The following ZBTB40 variants were observed in gnomAD, a reference collection of about 807,000 sequenced individuals.
ZBTB40 encodes the protein zinc finger and BTB domain containing 40.
A neutral mutation model predicts 117.5 loss-of-function variants in ZBTB40; 60 were observed. That is an observed-to-expected ratio of 0.51 (90% confidence interval 0.41 to 0.63). ZBTB40 has a LOEUF of 0.63. ZBTB40 is among the 30% of genes least tolerant of loss of function. The pLI is 0.00. For missense variants in ZBTB40, 1,287 were observed against 1,498.5 expected (o/e 0.86, Z 2.33); for synonymous variants, 525 against 577.1 (o/e 0.91, Z 1.29).
At chr1:22,474,837 T>G (rs1464212232) in intron 1 of ZBTB40, among the ~76,000 whole-genome samples, 1 of 151,796 alleles carries the variant, frequency 6.6e-6, no homozygotes, top group African/African-American at 2.4e-5. Flanking sequence ...AAGCAATGAA[T>G]AGGGCTCTCC....
intron 1 of ZBTB40, among the ~76,000 whole-genome samples, chr1:22,485,813 G>A (rs528611880): frequency 5.9e-5 from 9 of 151,838 alleles, no homozygotes; most frequent in South Asian, 4.2e-4. Flanking sequence ...TTCCTCAGTC[G>A]TGTCCAGTCT....
chr1:22,485,794 G>C (rs558961023), intron 1 of ZBTB40, among the ~76,000 whole-genome samples: 21 of 152,210 alleles, frequency 1.4e-4, no homozygotes, highest in Middle Eastern at 3.4e-3. Context: ...CTTCAAGCTA[G>C]GAGATTCTTT....
chr1:22,511,063 A>G lies in ZBTB40; in HGVS notation c.1834-116A>G, dbSNP rs1405813962. The G allele has an allele frequency of 3.7e-6, 5 of 1,342,050 alleles. No individual in the cohort carries two copies. In the East Asian group the frequency reaches 1.1e-4, roughly 31 times the overall value. 83.1% of individuals were successfully genotyped at this position (1,342,050 alleles called of 1,614,324 possible). On this transcript the variant is annotated intron_variant, in intron 9 of 17. Transcript: ENST00000375647. ...TCACAAGGCGATGTATAAACTGCTT[A>G]TAAATGGAGCAGTGCCTTCCTGGGA...
chr1:22,475,183 A>G (rs1397603174), intron 1 of ZBTB40, among the ~76,000 whole-genome samples: 3 of 152,218 alleles, frequency 2.0e-5, no homozygotes, highest in African/African-American at 4.8e-5. Flanking sequence ...GGCAATATAT[A>G]TAGGAAGCCT....
chr1:22,471,904 G>A (rs959635921), intron 1 of ZBTB40, among the ~76,000 whole-genome samples: 3 of 152,220 alleles, frequency 2.0e-5, no homozygotes, highest in South Asian at 2.1e-4. Context: ...CCGGCGAGGG[G>A]CTGTGGGAAG....
intron 1 of ZBTB40, among the ~76,000 whole-genome samples, chr1:22,454,859 T>C (rs771532679): frequency 6.6e-6 from 1 of 152,274 alleles, no homozygotes; most frequent in African/African-American, 2.4e-5. Flanking sequence ...GTTACACATA[T>C]TGCTGAATAA....
intron 14 of ZBTB40, 68 bp from the exon 15 acceptor site, chr1:22,521,425 CATG>C: frequency 6.3e-7 from 1 of 1,592,560 alleles, no homozygotes. Context: ...TTCTTTCTCT[CATG>C]AGAGCCTCGT....
intron 1 of ZBTB40, among the ~76,000 whole-genome samples, chr1:22,431,392 A>G (rs748768103): frequency 0.025 from 3,400 of 134,868 alleles, 61 homozygotes; most frequent in South Asian, 0.045. Flanking sequence ...GTGTATATAT[A>G]TATATATATA....
chr1:22,491,616 A>G, intron 3 of ZBTB40, 83 bp downstream of exon 3: 1 of 1,442,564 alleles, frequency 6.9e-7, no homozygotes, highest in Non-Finnish European at 9.6e-7. Flanking sequence ...GGGCAGAAAT[A>G]GCCCAGGGTT....
At chr1:22,460,960 T>G (rs1183358104) in intron 1 of ZBTB40, among the ~76,000 whole-genome samples, 2 of 152,230 alleles carry the variant, frequency 1.3e-5, no homozygotes, top group African/African-American at 4.8e-5. Flanking sequence ...CTTCTCACTC[T>G]GTCTTCTATT....
At chr1:22,438,663 C>A (rs1348195567) in intron 1 of ZBTB40, among the ~76,000 whole-genome samples, 1 of 152,196 alleles carries the variant, frequency 6.6e-6, no homozygotes, top group East Asian at 1.9e-4. Flanking sequence ...CGTTTTTCCA[C>A]AACCTTGCCA....
chr1:22,480,621 A>G (rs913459755), intron 1 of ZBTB40, among the ~76,000 whole-genome samples: 4 of 152,026 alleles, frequency 2.6e-5, no homozygotes, highest in Admixed American at 6.5e-5. Context: ...AAGTGCTGGG[A>G]TTACAGGCGT....
rs767958715 is a variant in ZBTB40 at position 22,511,768 on chromosome 1, G to A, written c.2095G>A (p.Ala699Thr). ...EANNKEDEKAAKEDSQPGEQN... is the reference protein window; with the variant it reads ...EANNKEDEKATKEDSQPGEQN... The stretch of plus-strand genomic sequence containing the variant: ...CAACAACAAAGAAGATGAAAAGGCA[G>A]CCAAAGAAGACAGCCAGCCTGGGGA... Residue 699 changes from alanine to threonine, a missense_variant, in exon 11 of 18, where the codon GCC (alanine) becomes ACC (threonine). Transcript: ENST00000375647. 8 of 1,609,776 alleles carry A rather than the reference G, an allele frequency of 5.0e-6. No individual in the cohort carries two copies. Among genetic ancestry groups the A allele is most frequent in the Non-Finnish European group, 4.2e-6 (5 of 1,178,770 alleles).
intron 1 of ZBTB40, among the ~76,000 whole-genome samples, chr1:22,464,334 A>G (rs1217596666): frequency 6.6e-6 from 1 of 152,200 alleles, no homozygotes; most frequent in Admixed American, 6.5e-5. Flanking sequence ...TCTCCCCCAG[A>G]AAGGGTGTAG....
intron 1 of ZBTB40, among the ~76,000 whole-genome samples, chr1:22,431,318 T>TGAA (rs1185471061): frequency 1.2e-5 from 1 of 84,592 alleles, no homozygotes; most frequent in African/African-American, 1.2e-4. Context: ...CAGTATATAT[T>TGAA]TATATTGTAT....
intron 9 of ZBTB40, among the ~76,000 whole-genome samples, chr1:22,510,361 T>C (rs893181202): frequency 6.6e-6 from 1 of 152,212 alleles, no homozygotes; most frequent in Non-Finnish European, 1.5e-5. Flanking sequence ...ACTCATCTGT[T>C]AGACTCTCTC....
rs770250357 is a variant in ZBTB40, at chr1:22,512,123, C to T, written c.2450C>T (p.Ala817Val). ...TGTGACCTCTGTGGCAGAGAATTTG[C>T]CCATGCCTCAGGTACGTTCAAGAAG... ...VTCDLCGREF[A>V]HASGMQYHKL... Residue 817 changes from alanine to valine, a missense_variant, in exon 11 of 18, where the codon GCC becomes GTC. Transcript: ENST00000375647. The T allele has an allele frequency of 6.2e-7, 1 of 1,612,974 alleles. No individual in the cohort carries two copies. Among genetic ancestry groups the T allele is most frequent in the Non-Finnish European group, 8.5e-7 (1 of 1,180,034 alleles).
At chr1:22,503,191 C>T (rs1175391023) in intron 5 of ZBTB40, among the ~76,000 whole-genome samples, 1 of 149,956 alleles carries the variant, frequency 6.7e-6, no homozygotes, top group Non-Finnish European at 1.5e-5. Flanking sequence ...TGAAATTATT[C>T]CCTTACTATA....
intron 1 of ZBTB40, among the ~76,000 whole-genome samples, chr1:22,474,823 G>A (rs938778122): frequency 1.6e-4 from 25 of 152,048 alleles, no homozygotes; most frequent in African/African-American, 6.0e-4. Context: ...CTTCTGTTCG[G>A]TGAAAGCAAT....
Sources: gnomAD v4.1 joint callset for allele counts (sites outside exome capture counted in the v4.1 genomes callset) on GRCh38, gnomAD v4.1.1 for gene constraint, MANE v1.5 for transcripts, NCBI Gene and HGNC (gene_info 2026-07-23, HGNC 2026-07-21) for gene names.